CHD6: variants seen among roughly 807,000 people sequenced by gnomAD.
The protein encoded by CHD6 is chromodomain helicase DNA binding protein 6.
Under a neutral mutation model 276.9 loss-of-function variants are expected in CHD6, and 50 were observed. The observed-to-expected ratio is 0.18, with a 90% CI of 0.14 to 0.23. The LOEUF is 0.23. Ranked by LOEUF, CHD6 falls within the 10% of genes least tolerant of loss-of-function variation. CHD6 has a pLI of 1.00. For missense variants in CHD6, 2,564 were observed against 3,365.8 expected (o/e 0.76, Z 5.89); for synonymous variants, 1,173 against 1,229.3 (o/e 0.95, Z 0.96).
chr20:41,590,414 A>T (rs992307696), intron 1 of CHD6, among the ~76,000 whole-genome samples: 1 of 152,230 alleles, frequency 6.6e-6, no homozygotes, highest in African/African-American at 2.4e-5. Flanking sequence ...AACTACCATC[A>T]GAGTGAACAG....
intron 17 of CHD6, among the ~76,000 whole-genome samples, chr20:41,463,117 GA>G (rs1466331262): frequency 2.0e-5 from 3 of 152,072 alleles, no homozygotes; most frequent in African/African-American, 7.2e-5. Context: ...AGAACTATAT[GA>G]ACAGAACATC....
Position 41,412,156 on chromosome 20 carries a change from C to T in CHD6, c.7239G>A (p.Glu2413=). ...GEERVPAIPK[E]PGLRGFLPEN... ...CCTTCTTCCTTACCCTCAGTCCTGGCTCCTTGGGGATGGCAGGAACTCTCT... is the reference window on the plus strand; with the variant it reads ...CCTTCTTCCTTACCCTCAGTCCTGGTTCCTTGGGGATGGCAGGAACTCTCT... Residue 2413 remains glutamate, a synonymous_variant, in exon 36 of 37, where the codon GAG becomes GAA. Transcript: ENST00000373233. The T allele has an allele frequency of 1.9e-6, 3 of 1,614,210 alleles. No individual in the cohort carries two copies. The highest frequency in any genetic ancestry group is 1.1e-5 in the South Asian group (1 of 91,088).
chr20:41,606,629 C>T (rs1337709931), intron 1 of CHD6, among the ~76,000 whole-genome samples: 3 of 151,250 alleles, frequency 2.0e-5, no homozygotes, highest in African/African-American at 7.3e-5. Flanking sequence ...GAGCAGAGAT[C>T]GCACCACTGC....
chr20:41,555,365 A>AC (rs1274733672), intron 1 of CHD6, among the ~76,000 whole-genome samples: 22 of 103,486 alleles, frequency 2.1e-4, no homozygotes, highest in African/African-American at 7.2e-4. Context: ...CGGGGGGCCG[A>AC]CCCCCCCACC....
At chr20:41,469,896 C>T (rs1424499801) in intron 17 of CHD6, among the ~76,000 whole-genome samples, 2 of 152,208 alleles carry the variant, frequency 1.3e-5, no homozygotes, top group African/African-American at 2.4e-5. Context: ...AAGTAGTACC[C>T]AGTTTCTATC....
intron 3 of CHD6, among the ~76,000 whole-genome samples, chr20:41,515,858 T>C (rs964288745): frequency 6.6e-6 from 1 of 152,252 alleles, no homozygotes; most frequent in Non-Finnish European, 1.5e-5. Flanking sequence ...AGTAGTCTTA[T>C]GCTTTATGCA....
intron 3 of CHD6, among the ~76,000 whole-genome samples, chr20:41,524,887 C>T (rs1193731273): frequency 1.3e-5 from 2 of 152,222 alleles, no homozygotes; most frequent in Admixed American, 6.5e-5. Flanking sequence ...TCTGAGGATG[C>T]TAATTTAAAA....
At chr20:41,491,290 G>A (rs1052023215) in intron 11 of CHD6, among the ~76,000 whole-genome samples, 1 of 146,984 alleles carries the variant, frequency 6.8e-6, no homozygotes, top group African/African-American at 2.5e-5. Flanking sequence ...TTGTATAGCT[G>A]TATATTCCCA....
In CHD6 at chr20:41,404,443, ATCTG is replaced by A; in HGVS notation, c.*146_*149del. On this transcript the variant is annotated 3_prime_UTR_variant, in exon 37 of 37. Coordinates refer to ENST00000373233, the MANE Select transcript of CHD6 (RefSeq NM_032221.5). ...GTGGTGAGACCCTGCAACTATTAACATCTGTTACCATAGTTCTCAGACAGGAAAT... is the reference window on the plus strand; with the variant it reads ...GTGGTGAGACCCTGCAACTATTAACATTACCATAGTTCTCAGACAGGAAAT... 1.3e-5 allele frequency: 18 copies of A among 1,345,582 alleles called. No homozygotes were observed. The South Asian group carries it at 1.8e-4, about 13-fold the overall frequency. The allele number at this position is 1,345,582 out of a possible 1,614,324, so 83.4% of individuals were successfully genotyped here.
intron 17 of CHD6, among the ~76,000 whole-genome samples, chr20:41,465,408 A>G (rs1360306359): frequency 1.3e-5 from 2 of 152,212 alleles, no homozygotes; most frequent in Non-Finnish European, 2.9e-5. Flanking sequence ...GTATCTCACC[A>G]TAAGAAAACA....
At position 41,420,594 on chromosome 20, in the gene CHD6, G is replaced by A. The variant is rs575377914; in HGVS notation, c.6041C>T (p.Pro2014Leu). The A allele has an allele frequency of 2.0e-5, 32 of 1,614,126 alleles. No homozygotes were observed. The highest frequency in any genetic ancestry group is 5.0e-5 in the Admixed American group (3 of 60,028). The change falls in exon 31 of 37, where the codon CCT becomes CTT. Residue 2014 changes from proline (P) to leucine (L), a missense_variant. This residue lies in a region of CHD6 where 1,024 missense variants were observed against 1,047.9 expected (regional missense o/e 0.98). Transcript: ENST00000373233. ...AEGQNVFPTY[P>L]LEGSELKSED... is the part of the protein sequence containing the mutation. ...TGATTTGAGCTCACTTCCTTCAAGA[G>A]GATATGTGGGGAAAACGTTTTGCCC...
intron 1 of CHD6, among the ~76,000 whole-genome samples, chr20:41,593,861 T>C (rs1233616567): frequency 6.6e-6 from 1 of 152,180 alleles, no homozygotes; most frequent in Non-Finnish European, 1.5e-5. Context: ...AAACCGAACC[T>C]GCTGACATCT....
chr20:41,614,373 T>C (rs1397036646), intron 1 of CHD6, among the ~76,000 whole-genome samples: 1 of 152,208 alleles, frequency 6.6e-6, no homozygotes, highest in Non-Finnish European at 1.5e-5. Context: ...TTAGGTTTGT[T>C]CCTTGCTAAA....
At chr20:41,588,268 A>T (rs2146253870) in intron 1 of CHD6, among the ~76,000 whole-genome samples, 1 of 152,294 alleles carries the variant, frequency 6.6e-6, no homozygotes, top group South Asian at 2.1e-4. Flanking sequence ...GTGTCATACA[A>T]CAATAAGAAT....
intron 24 of CHD6, 120 bp from the exon 25 acceptor site, chr20:41,445,888 G>A (rs1008021949): frequency 4.0e-5 from 25 of 626,648 alleles, no homozygotes; most frequent in Admixed American, 2.1e-4. Context: ...AAAGGGTTAG[G>A]AAGGCTGTGG....
chr20:41,488,719 A>G, intron 12 of CHD6, 115 bp from the exon 13 acceptor site: 1 of 839,444 alleles, frequency 1.2e-6, no homozygotes, highest in Non-Finnish European at 1.8e-6. Flanking sequence ...TGAGAAGACA[A>G]GCACTGCTTT....
rs192819873 is a variant in CHD6, at chr20:41,441,107, C to G, written c.3878-978G>C. Among the ~76,000 whole-genome samples, 8 of 152,280 alleles carry G rather than the reference C, an allele frequency of 5.3e-5. No homozygotes were observed. In the South Asian group the frequency reaches 1.2e-3, roughly 24 times the overall value. On this transcript the variant is annotated intron_variant, in intron 25 of 36. Transcript: ENST00000373233. ...TGCTGCCCACATGAGGTACCTGGCA[C>G]GAGAAGCTCTGCAGTGCCTTATGTT...
intron 36 of CHD6, among the ~76,000 whole-genome samples, chr20:41,406,876 G>A (rs576430988): frequency 6.6e-6 from 1 of 152,188 alleles, no homozygotes; most frequent in East Asian, 1.9e-4. Flanking sequence ...TCACCCAGGG[G>A]AGGTGTACAG....
At chr20:41,571,453 CA>C (rs993847801) in intron 1 of CHD6, among the ~76,000 whole-genome samples, 3 of 146,402 alleles carry the variant, frequency 2.0e-5, no homozygotes, top group Non-Finnish European at 4.5e-5. Flanking sequence ...ACTGCAATGG[CA>C]CGATCTCAGC....
Sources: allele counts gnomAD v4.1 joint callset (sites outside exome capture counted in the v4.1 genomes callset), GRCh38; gene constraint gnomAD v4.1.1; regional missense constraint gnomAD v4.1.1; transcripts MANE v1.5; gene names NCBI Gene and HGNC (gene_info 2026-07-23, HGNC 2026-07-21).